PACS2: variants seen among roughly 807,000 people sequenced by gnomAD.
PACS2 encodes the protein phosphofurin acidic cluster sorting protein 2, also known as PACS1-like protein.
In PACS2, 36 loss-of-function variants were observed where a neutral mutation model predicts 113.0. The observed-to-expected ratio is 0.32, with a 90% confidence interval of 0.24 to 0.42. The LOEUF is 0.42. Among genes scored for constraint, PACS2 ranks in the 10% least tolerant of loss-of-function variants. The probability of loss-of-function intolerance (pLI) is 1.00; values close to 1 mark genes in which losing one functional copy is unlikely to be tolerated. For synonymous variants in PACS2, 589 were observed against 536.1 expected, an observed-to-expected ratio of 1.10 and a Z score of -1.36; for missense variants, 1,015 against 1,239.5, an observed-to-expected ratio of 0.82 and a Z score of 2.72.
intron 19 of PACS2, among the ~76,000 whole-genome samples, chr14:105,386,738 A>C (rs1371073517): frequency 6.6e-6 from 1 of 152,140 alleles, no homozygotes; most frequent in African/African-American, 2.4e-5. Flanking sequence ...CGAAGTGGGC[A>C]GCCTGGGACC....
intron 1 of PACS2, among the ~76,000 whole-genome samples, chr14:105,335,802 G>A (rs587686631): frequency 1.3e-5 from 2 of 152,362 alleles, no homozygotes; most frequent in South Asian, 4.1e-4. Context: ...AGCTGAGTGA[G>A]GCTGGCAAGA....
At position 105,358,091 on chromosome 14, in the gene PACS2, G is replaced by C. The variant is rs897084436; in HGVS notation, c.423+2914G>C. 6.6e-6 allele frequency among the ~76,000 whole-genome samples: 1 copy of C among 152,214 alleles called. No individual in the cohort carries two copies. Among genetic ancestry groups the C allele is most frequent in the Non-Finnish European group, 1.5e-5 (1 of 68,018 alleles). On this transcript the variant is annotated intron_variant, in intron 4 of 24. Transcript: ENST00000447393. The surrounding 1 kb of genome is among the most constrained non-coding windows in gnomAD (Gnocchi z 4.9). Reference sequence around the variant, plus strand: ...CAGGGGGCAGGAGGGGCTGGGAGCAGCCTGGGCCCCTGCCACACCATAGCT... The same window carrying C: ...CAGGGGGCAGGAGGGGCTGGGAGCACCCTGGGCCCCTGCCACACCATAGCT...
At chr14:105,369,747 C>A in intron 7 of PACS2, 94 bp from the exon 8 acceptor site, 1 of 1,074,522 alleles carries the variant, frequency 9.3e-7, no homozygotes, top group Non-Finnish European at 1.4e-6. Flanking sequence ...TCTCCCACGG[C>A]GGGCCTGGGT....
Position 105,355,028 on chromosome 14 carries a change from T to A in PACS2, c.298-24T>A, listed in dbSNP as rs199643022. 2.5e-6 allele frequency: 4 copies of A among 1,610,080 alleles called. No individual in the cohort carries two copies. In the African/African-American group the frequency reaches 5.3e-5, roughly 21 times the overall value. On this transcript the variant is annotated intron_variant, in intron 3 of 24. Coordinates refer to ENST00000447393, the MANE Select transcript of PACS2 (RefSeq NM_001100913.3). This position sits in a 1 kb window ranked among gnomAD's most constrained non-coding sequence, Gnocchi z 4.1. ...CCTGGGGCCCCGGTGCACCCTCAGC[T>A]GCCACTCGCACTTGTGCCCACAGTA...
chr14:105,323,553 C>T lies in PACS2; in HGVS notation c.119+8516C>T, dbSNP rs903100386. On this transcript the variant is annotated intron_variant, in intron 1 of 24. Coordinates refer to ENST00000447393, the MANE Select transcript of PACS2 (RefSeq NM_001100913.3). The surrounding 1 kb of genome is among the most constrained non-coding windows in gnomAD (Gnocchi z 4.1). ...CTGTAATGGAACCAGGATGTCATGC[C>T]AAGGAGTGTGGTTTCATTTTGAGTG... Among the ~76,000 whole-genome samples the T allele has an allele frequency of 1.3e-5, 2 of 152,220 alleles. No homozygotes were observed. Among genetic ancestry groups the T allele is most frequent in the African/African-American group, 4.8e-5 (2 of 41,452 alleles).
At chr14:105,322,825 C>T (rs1175818143) in intron 1 of PACS2, among the ~76,000 whole-genome samples, 1 of 152,222 alleles carries the variant, frequency 6.6e-6, no homozygotes, top group African/African-American at 2.4e-5. Context: ...CATTTTCCTT[C>T]TTCTGTTGAA....
Position 105,354,081 on chromosome 14 carries a change from C to T in PACS2, c.298-971C>T, listed in dbSNP as rs966585490. Among the ~76,000 whole-genome samples, 7 of 151,422 alleles carry T rather than the reference C, an allele frequency of 4.6e-5. No homozygotes were observed. The highest frequency in any genetic ancestry group is 1.0e-4 in the Non-Finnish European group (7 of 67,872). ...CCAGCCTGGGGGACAGAGTGAGACT[C>T]CATCTCAAAAAAAAGAGAGAATATA... is the stretch of plus-strand genomic sequence containing the variant. On this transcript the variant is annotated intron_variant, in intron 3 of 24. Coordinates refer to ENST00000447393, the MANE Select transcript of PACS2 (RefSeq NM_001100913.3). This position sits in a 1 kb window ranked among gnomAD's most constrained non-coding sequence, Gnocchi z 4.2.
At chr14:105,336,747 G>GTTT (rs1267595300) in intron 1 of PACS2, 1 of 152,308 alleles carries the variant, frequency 6.6e-6, no homozygotes, top group African/African-American at 2.4e-5. Context: ...GTTAATCAGA[G>GTTT]TGAAAGCCAG....
At chr14:105,372,835 G>A (rs2061205548) in intron 8 of PACS2, 1 of 152,050 alleles carries the variant, frequency 6.6e-6, no homozygotes. Flanking sequence ...CCAGGAGGCA[G>A]AGCTTGCAGT....
At position 105,376,059 on chromosome 14, in the gene PACS2, A is replaced by G. The variant is rs2061342843; in HGVS notation, c.802-709A>G. ...GGTCGGAGTGGGTGCCTGCAGGGGAAATACAAGATGCTTATAAAACCATCA... is the reference window on the plus strand; with the variant it reads ...GGTCGGAGTGGGTGCCTGCAGGGGAGATACAAGATGCTTATAAAACCATCA... On this transcript the variant is annotated intron_variant, in intron 8 of 24. Coordinates refer to ENST00000447393, the MANE Select transcript of PACS2 (RefSeq NM_001100913.3). This position sits in a 1 kb window ranked among gnomAD's most constrained non-coding sequence, Gnocchi z 4.7. 1.3e-5 allele frequency among the ~76,000 whole-genome samples: 2 copies of G among 152,094 alleles called. No homozygotes were observed. Among genetic ancestry groups the G allele is most frequent in the Admixed American group, 1.3e-4 (2 of 15,270 alleles).
Position 105,314,793 on chromosome 14 carries a change from C to T in PACS2, c.-126C>T, listed in dbSNP as rs1302504408. ...GGCCTGTCCGACGCCGGGGCCCGGC[C>T]CGTCCCCTCCGCCGCCCGGCAGCCA... is the stretch of plus-strand genomic sequence containing the variant. On this transcript the variant is annotated 5_prime_UTR_variant, in exon 1 of 25. Transcript: ENST00000447393. The T allele has an allele frequency of 2.2e-5, 5 of 223,772 alleles. No individual in the cohort carries two copies. Among genetic ancestry groups the T allele is most frequent in the African/African-American group, 9.5e-5 (4 of 42,158 alleles). 13.9% of individuals were successfully genotyped at this position (223,772 alleles called of 1,614,324 possible). A position where few individuals can be genotyped will look rare whatever the true frequency, so the allele number is the denominator to read the frequency against.
intron 4 of PACS2, among the ~76,000 whole-genome samples, chr14:105,362,411 C>A (rs587664953): frequency 7.1e-6 from 1 of 141,412 alleles, no homozygotes; most frequent in African/African-American, 2.8e-5. Flanking sequence ...AGCGAGACTC[C>A]GTCTCAAAAA....
At position 105,330,562 on chromosome 14, in the gene PACS2, G is replaced by A. The variant is rs749500272; in HGVS notation, c.119+15525G>A. 2.0e-5 allele frequency among the ~76,000 whole-genome samples: 3 copies of A among 152,182 alleles called. No homozygotes were observed. Among genetic ancestry groups the A allele is most frequent in the African/African-American group, 4.8e-5 (2 of 41,458 alleles). ...CCCTGACCCAGCTGGGTGTGTGGCC[G>A]CTCTCTGGACCCCCGGTCCCAGGGT... On this transcript the variant is annotated intron_variant, in intron 1 of 24. Transcript: ENST00000447393. This position sits in a 1 kb window ranked among gnomAD's most constrained non-coding sequence, Gnocchi z 6.9.
chr14:105,312,746 C>T (rs1332906997), upstream of PACS2, among the ~76,000 whole-genome samples: 1 of 152,218 alleles, frequency 6.6e-6, no homozygotes, highest in East Asian at 1.9e-4. Flanking sequence ...GACATCTGTG[C>T]ACTTGGAAAA....
intron 1 of PACS2, among the ~76,000 whole-genome samples, chr14:105,304,970 C>G (rs927783180): frequency 3.9e-5 from 6 of 152,234 alleles, no homozygotes; most frequent in African/African-American, 1.4e-4. Context: ...GTACACAGAG[C>G]CAAATCATAT....
At position 105,380,911 on chromosome 14, in the gene PACS2, G is replaced by A. The variant is rs1237257155; in HGVS notation, c.1126-46G>A. On this transcript the variant is annotated intron_variant, in intron 11 of 24. Transcript: ENST00000447393. ...CACAGGGCTGGAGAGGCCGCAGCAC[G>A]GGTGTGGTTTCCACGGGAGGCTCCA... The A allele has an allele frequency of 3.5e-5, 55 of 1,570,992 alleles. No homozygotes were observed. The East Asian group carries it at 7.0e-4, about 20-fold the overall frequency.
chr14:105,303,163 A>G (rs2058088081), intron 1 of PACS2, among the ~76,000 whole-genome samples: 1 of 152,136 alleles, frequency 6.6e-6, no homozygotes, highest in African/African-American at 2.4e-5. Flanking sequence ...TCCTGACCTC[A>G]AGTGATCCAC....
At chr14:105,345,437 T>C (rs2059890512) in intron 1 of PACS2, among the ~76,000 whole-genome samples, 1 of 152,026 alleles carries the variant, frequency 6.6e-6, no homozygotes. Context: ...CTTTAGATTG[T>C]GTATTTGAAT....
chr14:105,341,242 TTCTC>T (rs1236779689), intron 1 of PACS2, among the ~76,000 whole-genome samples: 2 of 152,240 alleles, frequency 1.3e-5, no homozygotes, highest in Non-Finnish European at 2.9e-5. Flanking sequence ...TGCCTCTCGC[TTCTC>T]TCTGTCAGAA....
Sources: gnomAD v4.1 joint callset for allele counts (sites outside exome capture counted in the v4.1 genomes callset) on GRCh38, gnomAD v4.1.1 for gene constraint, Gnocchi (gnomAD v3.1) non-coding constraint, MANE v1.5 for transcripts, NCBI Gene and HGNC (gene_info 2026-07-23, HGNC 2026-07-21) for gene names.